The following INPP4B variants were observed in gnomAD, a reference collection of about 807,000 sequenced individuals.
INPP4B encodes the protein inositol polyphosphate-4-phosphatase type II B, also known as inositol polyphosphate 4-phosphatase type II.
In INPP4B, 55 loss-of-function variants were observed where a neutral mutation model predicts 122.5. That is an observed-to-expected ratio of 0.45 (90% confidence interval 0.36 to 0.56). INPP4B has a LOEUF of 0.56. INPP4B is among the 20% of genes least tolerant of loss of function. The probability of loss-of-function intolerance (pLI) is 0.00; values close to 1 mark genes in which losing one functional copy is unlikely to be tolerated. For synonymous variants in INPP4B, 403 were observed against 388.7 expected, an observed-to-expected ratio of 1.04 and a Z score of -0.43; for missense variants, 1,000 against 1,097.7, an observed-to-expected ratio of 0.91 and a Z score of 1.26.
At position 142,542,268 on chromosome 4, in the gene INPP4B, C is replaced by T. The variant is rs183032957; in HGVS notation, c.-190-79542G>A. 1.5e-3 allele frequency among the ~76,000 whole-genome samples: 230 copies of T among 152,156 alleles called. 2 individuals carry two copies. The highest frequency in any genetic ancestry group is 5.1e-3 in the African/African-American group (212 of 41,538). On this transcript the variant is annotated intron_variant, in intron 2 of 25. Transcript: ENST00000262992. ...TATATTTCTTAGAGTCCTTTTTATT[C>T]GTTAATCTGATCCCCTTTTATAGAT...
At chr4:142,244,404 A>C (rs1472322139) in intron 11 of INPP4B, among the ~76,000 whole-genome samples, 1 of 143,488 alleles carries the variant, frequency 7.0e-6, no homozygotes, top group East Asian at 2.1e-4. Flanking sequence ...GGTTCACGTC[A>C]TTCTCCTGCC....
At chr4:142,400,850 G>A (rs887773037) in intron 7 of INPP4B, among the ~76,000 whole-genome samples, 1 of 152,126 alleles carries the variant, frequency 6.6e-6, no homozygotes, top group Non-Finnish European at 1.5e-5. Flanking sequence ...TACATTAGTT[G>A]TCTATCTCCA....
At chr4:142,042,546 G>T (rs146941174) in intron 25 of INPP4B, among the ~76,000 whole-genome samples, 14 of 32,568 alleles carry the variant, frequency 4.3e-4, no homozygotes, top group Non-Finnish European at 1.3e-3. Context: ...ATGTATGTAT[G>T]TATGTATGTA....
At position 142,562,424 on chromosome 4, in the gene INPP4B, T is replaced by C. The variant is rs1382270913; in HGVS notation, c.-190-99698A>G. Among the ~76,000 whole-genome samples the C allele has an allele frequency of 3.3e-5, 5 of 152,172 alleles. No individual in the cohort carries two copies. The East Asian group carries it at 7.7e-4, about 23-fold the overall frequency. ...GCCAGACTGTATCAAAAGTAGCAGA[T>C]TTATGCATTAAGTTTTGTAACATAT... On this transcript the variant is annotated intron_variant, in intron 2 of 25. Coordinates refer to ENST00000262992, the MANE Select transcript of INPP4B (RefSeq NM_001101669.3).
At chr4:142,511,714 C>T (rs987501290) in intron 2 of INPP4B, among the ~76,000 whole-genome samples, 3 of 152,034 alleles carry the variant, frequency 2.0e-5, no homozygotes, top group Admixed American at 1.3e-4. Flanking sequence ...TGCTCTCTCA[C>T]GTGATTCCAA....
chr4:142,776,365 G>A (rs1561056345), intron 1 of INPP4B, among the ~76,000 whole-genome samples: 1 of 152,068 alleles, frequency 6.6e-6, no homozygotes, highest in African/African-American at 2.4e-5. Flanking sequence ...GGTATGAAAG[G>A]GGCCAGAGAT....
intron 25 of INPP4B, among the ~76,000 whole-genome samples, chr4:142,065,766 A>G (rs1199775007): frequency 1.3e-5 from 2 of 152,180 alleles, no homozygotes; most frequent in Non-Finnish European, 2.9e-5. Flanking sequence ...TGATAGGTGT[A>G]CAACTCTGTC....
At chr4:142,323,606 T>C (rs987133019) in intron 7 of INPP4B, among the ~76,000 whole-genome samples, 15 of 152,056 alleles carry the variant, frequency 9.9e-5, no homozygotes, top group East Asian at 5.8e-4. Flanking sequence ...CCACCACGCC[T>C]GGCTAATTTT....
intron 7 of INPP4B, among the ~76,000 whole-genome samples, chr4:142,395,323 T>C (rs1283531450): frequency 6.6e-6 from 1 of 152,200 alleles, no homozygotes; most frequent in East Asian, 1.9e-4. Context: ...AACATCGATA[T>C]GTAATAGTTC....
At chr4:142,461,218 A>T (rs1357694438) in intron 3 of INPP4B, among the ~76,000 whole-genome samples, 3 of 152,198 alleles carry the variant, frequency 2.0e-5, no homozygotes, top group Non-Finnish European at 4.4e-5. Flanking sequence ...AGATCAAATC[A>T]TTCTTTAAAG....
chr4:142,170,751 T>C (rs565308005), intron 16 of INPP4B, among the ~76,000 whole-genome samples: 1 of 151,934 alleles, frequency 6.6e-6, no homozygotes, highest in Admixed American at 6.6e-5. Flanking sequence ...CTATCGAGTT[T>C]TGGAATTCCT....
chr4:142,028,892 C>T lies in INPP4B; in HGVS notation c.2665G>A (p.Val889Ile). Residue 889 changes from valine to isoleucine, a missense_variant, in exon 26 of 26, where the codon GTA becomes ATA. Coordinates refer to ENST00000262992, the MANE Select transcript of INPP4B (RefSeq NM_001101669.3). ...MRREGCRIENVLKNIKCRKYA... is the reference protein window; with the variant it reads ...MRREGCRIENILKNIKCRKYA... ...TTTCTGCATTTGATATTCTTCAGTA[C>T]ATTCTCTATGCGGCATCCTTCTCTG... The T allele has an allele frequency of 1.2e-6, 2 of 1,612,906 alleles. No homozygotes were observed. Among genetic ancestry groups the T allele is most frequent in the Non-Finnish European group, 1.7e-6 (2 of 1,179,426 alleles).
chr4:142,200,805 C>T (rs1343813), intron 14 of INPP4B, among the ~76,000 whole-genome samples: 8,659 of 151,988 alleles, frequency 0.057, 853 homozygotes, highest in African/African-American at 0.2. Context: ...TTTTGAACTT[C>T]ATAGAATAAA....
At chr4:142,544,203 C>T (rs1189049116) in intron 2 of INPP4B, among the ~76,000 whole-genome samples, 1 of 148,340 alleles carries the variant, frequency 6.7e-6, no homozygotes, top group African/African-American at 2.5e-5. Flanking sequence ...GTAAAGTCTA[C>T]AGGATAAGAG....
chr4:142,774,993 A>G (rs1418659759), intron 1 of INPP4B, among the ~76,000 whole-genome samples: 4 of 151,980 alleles, frequency 2.6e-5, no homozygotes, highest in African/African-American at 9.7e-5. Context: ...CTTGTCTTTT[A>G]TGACCTTGAT....
intron 7 of INPP4B, among the ~76,000 whole-genome samples, chr4:142,354,466 C>T (rs1011795392): frequency 3.9e-5 from 6 of 151,926 alleles, no homozygotes; most frequent in East Asian, 1.9e-4. Flanking sequence ...TATTTCCATT[C>T]GGTACCTTTT....
rs746264145 is a variant in INPP4B at position 142,123,388 on chromosome 4, T to C, written c.1921A>G (p.Ile641Val). 9 of 1,612,876 alleles carry C rather than the reference T, an allele frequency of 5.6e-6. No homozygotes were observed. The South Asian group carries it at 9.9e-5, about 18-fold the overall frequency. ...ALAGLVCGFI[I>V]KLQTSLYDPG... ...TCATACAGACTTGTCTGTAATTTGA[T>C]GATAAAACCACAAACCAATCCAGCA... The change falls in exon 20 of 26, where the codon ATC (isoleucine) becomes GTC (valine). Residue 641 changes from isoleucine to valine, a missense_variant. Ile to Val is a conservative substitution (Grantham distance 29, BLOSUM62 3). Transcript: ENST00000262992.
intron 12 of INPP4B, among the ~76,000 whole-genome samples, chr4:142,233,470 G>T (rs1382071779): frequency 2.6e-5 from 4 of 152,110 alleles, no homozygotes; most frequent in Admixed American, 6.6e-5. Context: ...TTTGCTTAGT[G>T]GTTCTTCCAG....
intron 2 of INPP4B, among the ~76,000 whole-genome samples, chr4:142,516,688 G>A (rs1324404144): frequency 6.6e-6 from 1 of 152,022 alleles, no homozygotes; most frequent in Non-Finnish European, 1.5e-5. Flanking sequence ...ACATTGCTCT[G>A]TGCCCTGGAG....
Sources: gnomAD v4.1 joint callset for allele counts (sites outside exome capture counted in the v4.1 genomes callset) on GRCh38, gnomAD v4.1.1 for gene constraint, MANE v1.5 for transcripts, NCBI Gene and HGNC (gene_info 2026-07-23, HGNC 2026-07-21) for gene names.